PACRG: variants seen among roughly 807,000 people sequenced by gnomAD.
The protein encoded by PACRG is parkin coregulated gene protein.
In PACRG, 29 loss-of-function variants were observed where a neutral mutation model predicts 29.7. The observed-to-expected ratio is 0.98, with a 90% CI of 0.73 to 1.33. The LOEUF (loss-of-function observed/expected upper bound fraction) is 1.33, where lower values mean the gene tolerates loss of function less well. Ranked by LOEUF, PACRG falls within the 40% of genes most tolerant of loss-of-function variation. PACRG has a pLI of 0.00. For missense variants in PACRG, 279 were observed against 316.2 expected (o/e 0.88, Z 0.89); for synonymous variants, 116 against 118.7 (o/e 0.98, Z 0.15).
At chr6:162,902,497 T>G (rs1795631431) in intron 2 of PACRG, among the ~76,000 whole-genome samples, 2 of 152,244 alleles carry the variant, frequency 1.3e-5, no homozygotes, top group African/African-American at 4.8e-5. Flanking sequence ...ATGTTTTTCC[T>G]GTCTAGTTCT....
intron 1 of PACRG, among the ~76,000 whole-genome samples, chr6:162,751,763 A>G: frequency 6.6e-6 from 1 of 152,140 alleles, no homozygotes; most frequent in Non-Finnish European, 1.5e-5. Flanking sequence ...TTAAAGAAAA[A>G]TGTGGTAGAA....
intron 3 of PACRG, among the ~76,000 whole-genome samples, chr6:163,068,498 C>A (rs1392129950): frequency 7.3e-6 from 1 of 136,168 alleles, no homozygotes; most frequent in Non-Finnish European, 1.5e-5. Context: ...TTTTTTTTAT[C>A]AATTTTCCCA....
chr6:162,979,584 C>CA (rs1403293157), intron 2 of PACRG, among the ~76,000 whole-genome samples: 1 of 151,938 alleles, frequency 6.6e-6, no homozygotes, highest in Non-Finnish European at 1.5e-5. Flanking sequence ...AGATCTTATC[C>CA]AAAAAATCCT....
intron 4 of PACRG, among the ~76,000 whole-genome samples, chr6:163,177,710 A>ATTTTTTTTTTTT (rs398003265): frequency 0.11 from 5,810 of 53,680 alleles, 1,459 homozygotes; most frequent in Middle Eastern, 0.15. Flanking sequence ...TAGAAAAGGG[A>ATTTTTTTTTTTT]TTTTTTTTTT....
At chr6:162,803,462 A>G (rs2128343192) in intron 1 of PACRG, among the ~76,000 whole-genome samples, 1 of 152,328 alleles carries the variant, frequency 6.6e-6, no homozygotes, top group African/African-American at 2.4e-5. Context: ...AGTCTATTAG[A>G]ATATTCATTG....
intron 2 of PACRG, among the ~76,000 whole-genome samples, chr6:163,054,746 C>A (rs1002237239): frequency 2.0e-5 from 3 of 152,166 alleles, no homozygotes; most frequent in African/African-American, 7.2e-5. Flanking sequence ...CATTTTGGGG[C>A]TTCCCACCAG....
At chr6:162,972,115 G>A (rs1801582961) in intron 2 of PACRG, among the ~76,000 whole-genome samples, 1 of 152,198 alleles carries the variant, frequency 6.6e-6, no homozygotes, top group African/African-American at 2.4e-5. Context: ...CCCTACCTCT[G>A]CCTGTCACAG....
At chr6:163,288,291 T>C (rs1029252387) in intron 4 of PACRG, among the ~76,000 whole-genome samples, 11 of 152,310 alleles carry the variant, frequency 7.2e-5, no homozygotes, top group Non-Finnish European at 1.2e-4. Context: ...CCTTCTTTCC[T>C]GATTGCTCCG....
intron 2 of PACRG, among the ~76,000 whole-genome samples, chr6:162,820,709 G>A (rs1209654543): frequency 6.6e-6 from 1 of 152,098 alleles, no homozygotes; most frequent in Non-Finnish European, 1.5e-5. Flanking sequence ...TTGAAATCTT[G>A]TAGGCAAATT....
intron 4 of PACRG, among the ~76,000 whole-genome samples, chr6:163,120,441 T>A (rs763202097): frequency 2.6e-5 from 4 of 152,172 alleles, no homozygotes; most frequent in Non-Finnish European, 5.9e-5. Context: ...TGAGGCATTT[T>A]AGCTCCCAAA....
chr6:162,951,833 G>A (rs934893528), intron 2 of PACRG, among the ~76,000 whole-genome samples: 8 of 152,064 alleles, frequency 5.3e-5, no homozygotes, highest in African/African-American at 1.7e-4. Context: ...TTTTGCTCTC[G>A]TTGTAGTCTT....
intron 4 of PACRG, among the ~76,000 whole-genome samples, chr6:163,260,161 G>A (rs1000987537): frequency 1.4e-4 from 22 of 152,286 alleles, no homozygotes; most frequent in African/African-American, 4.3e-4. Flanking sequence ...CAGTCCCCAA[G>A]CACTTCCATG....
intron 1 of PACRG, among the ~76,000 whole-genome samples, chr6:162,771,911 T>A (rs2321177): frequency 0.045 from 6,782 of 152,244 alleles, 519 homozygotes; most frequent in African/African-American, 0.15. Context: ...TAGGGAGATG[T>A]GACGGCTGCA....
At chr6:162,896,955 C>T (rs573862970) in intron 2 of PACRG, among the ~76,000 whole-genome samples, 29 of 152,286 alleles carry the variant, frequency 1.9e-4, no homozygotes, top group African/African-American at 5.8e-4. Context: ...GTGGTGCATA[C>T]GAACCCATTG....
chr6:162,850,165 ATG>A (rs1446237934), intron 2 of PACRG, among the ~76,000 whole-genome samples: 1 of 147,358 alleles, frequency 6.8e-6, no homozygotes, highest in African/African-American at 2.7e-5. Flanking sequence ...TGTCAATCTC[ATG>A]TGTGTAAGTA....
intron 2 of PACRG, among the ~76,000 whole-genome samples, chr6:162,888,926 G>T (rs1019202372): frequency 1.3e-5 from 2 of 152,194 alleles, no homozygotes; most frequent in African/African-American, 4.8e-5. Flanking sequence ...AGAGAGCATA[G>T]GTTTATATTT....
intron 1 of PACRG, 69 bp downstream of exon 1, chr6:162,728,460 C>G: frequency 6.4e-7 from 1 of 1,568,688 alleles, no homozygotes; most frequent in South Asian, 1.1e-5. Context: ...AGAGGTTGGC[C>G]AGCCTTAGGA....
At chr6:162,878,610 G>A (rs1793572523) in intron 2 of PACRG, among the ~76,000 whole-genome samples, 1 of 152,108 alleles carries the variant, frequency 6.6e-6, no homozygotes, top group Non-Finnish European at 1.5e-5. Flanking sequence ...CCAACAAAAG[G>A]AGACCAAAAC....
chr6:163,249,839 T>C (rs1262126846), intron 4 of PACRG, among the ~76,000 whole-genome samples: 1 of 152,210 alleles, frequency 6.6e-6, no homozygotes, highest in Non-Finnish European at 1.5e-5. Context: ...GTTGTTTAAA[T>C]TGGAGTGTCT....
Sources: allele counts gnomAD v4.1 joint callset (sites outside exome capture counted in the v4.1 genomes callset), GRCh38; gene constraint gnomAD v4.1.1; transcripts MANE v1.5; gene names NCBI Gene and HGNC (gene_info 2026-07-23, HGNC 2026-07-21).